The following CHRNB1 variants were observed in gnomAD, a reference collection of about 807,000 sequenced individuals.
CHRNB1 encodes acetylcholine receptor subunit beta.
Under a neutral mutation model 53.8 loss-of-function variants are expected in CHRNB1, and 47 were observed. The observed-to-expected ratio is 0.87, with a 90% CI of 0.69 to 1.11. The LOEUF (loss-of-function observed/expected upper bound fraction) is 1.11. Among genes scored for constraint, CHRNB1 ranks in the 50% most tolerant of loss-of-function variants. CHRNB1 has a pLI of 0.00. For missense variants in CHRNB1, 605 were observed against 654.9 expected (o/e 0.92, Z 0.83); for synonymous variants, 259 against 263.5 (o/e 0.98, Z 0.16).
chr17:7,456,842 C>T lies in CHRNB1; in HGVS notation c.*119C>T. The T allele has an allele frequency of 1.2e-5, 17 of 1,385,612 alleles. 1 individual carries two copies. In the South Asian group the frequency reaches 1.9e-4, roughly 16 times the overall value. 85.8% of individuals were successfully genotyped at this position (1,385,612 alleles called of 1,614,324 possible). On this transcript the variant is annotated 3_prime_UTR_variant, in exon 11 of 11. Coordinates refer to ENST00000306071, the MANE Select transcript of CHRNB1 (RefSeq NM_000747.3). ...CACGAGGAATCTGGGCCTCTTATTT[C>T]GTTTCTGGGGACTGCATTGGACTGA...
Position 7,445,229 on chromosome 17 carries a change from T to C in CHRNB1, c.59-41T>C, listed in dbSNP as rs547772932. 1.9e-6 allele frequency: 3 copies of C among 1,611,820 alleles called. No individual in the cohort carries two copies. Among genetic ancestry groups the C allele is most frequent in the Middle Eastern group, 3.3e-4 (2 of 6,052 alleles). The stretch of plus-strand genomic sequence containing the variant: ...GGGGCAGTGACGGGGCCAGCGGTCG[T>C]GGCCAGGCACCAGGGCTGCACTTAT... On this transcript the variant is annotated intron_variant, in intron 1 of 10. Coordinates refer to ENST00000306071, the MANE Select transcript of CHRNB1 (RefSeq NM_000747.3). The surrounding 1 kb of genome is among the most constrained non-coding windows in gnomAD (Gnocchi z 5.7).
intron 10 of CHRNB1, 130 bp from the exon 11 acceptor site, chr17:7,456,453 T>G: frequency 8.5e-7 from 1 of 1,171,136 alleles, no homozygotes; most frequent in Non-Finnish European, 1.3e-6. Flanking sequence ...CTCGCTCTCC[T>G]GTTGGCGCTG....
intron 6 of CHRNB1, among the ~76,000 whole-genome samples, 200 bp from the exon 7 acceptor site, chr17:7,448,379 T>G (rs548670571): frequency 6.6e-5 from 10 of 152,226 alleles, no homozygotes; most frequent in African/African-American, 2.4e-4. Context: ...AGAGCAAAAC[T>G]CTGTCTCAAA....
At position 7,453,111 on chromosome 17, in the gene CHRNB1, ATT is replaced by A. The variant is rs372971136; in HGVS notation, c.821-1183_821-1182del. Among the ~76,000 whole-genome samples the A allele has an allele frequency of 5.7e-3, 872 of 152,144 alleles. 4 individuals carry two copies. Among genetic ancestry groups the A allele is most frequent in the African/African-American group, 0.019 (804 of 41,506 alleles). ...AATTTAGTTTTGGACATTTTGTTTTATTTTGTTTCTGCTTTTGTTTTTTGAGA... is the reference window on the plus strand; with the variant it reads ...AATTTAGTTTTGGACATTTTGTTTTATTGTTTCTGCTTTTGTTTTTTGAGA... On this transcript the variant is annotated intron_variant, in intron 7 of 10. Coordinates refer to ENST00000306071, the MANE Select transcript of CHRNB1 (RefSeq NM_000747.3).
At position 7,454,524 on chromosome 17, in the gene CHRNB1, A is replaced by G. The variant is rs868298067; in HGVS notation, c.1044+4A>G. The G allele has an allele frequency of 6.2e-7, 1 of 1,612,876 alleles. No individual in the cohort carries two copies. On this transcript the variant is annotated splice_donor_region_variant and intron_variant, in intron 8 of 10. Coordinates refer to ENST00000306071, the MANE Select transcript of CHRNB1 (RefSeq NM_000747.3). ...AATGCCCCTTTGGGTCCGTCAGGTAAGAAAGATCTCCTCCTCCAACCCCAA... is the reference window on the plus strand; with the variant it reads ...AATGCCCCTTTGGGTCCGTCAGGTAGGAAAGATCTCCTCCTCCAACCCCAA...
intron 2 of CHRNB1, 42 bp from the exon 3 acceptor site, chr17:7,446,027 C>G (rs768716759): frequency 1.3e-6 from 2 of 1,595,966 alleles, no homozygotes; most frequent in Non-Finnish European, 8.6e-7. Context: ...TCATTTCTCT[C>G]CACCCTACTT....
Position 7,446,863 on chromosome 17 carries a change from C to G in CHRNB1, c.274C>G (p.Pro92Ala). 6.2e-7 allele frequency: 1 copy of G among 1,614,012 alleles called. No individual in the cohort carries two copies. Among genetic ancestry groups the G allele is most frequent in the East Asian group, 2.2e-5 (1 of 44,884 alleles). ...EWTDYRLSWD[P>A]AEHDGIDSLR... is the part of the protein sequence containing the mutation. ...GACTGACTACAGGCTGAGCTGGGAC[C>G]CTGCGGAGCACGACGGCATCGATTC... Residue 92 changes from proline (P) to alanine (A), a missense_variant, in exon 4 of 11, where the codon CCT (proline) becomes GCT (alanine). Transcript: ENST00000306071.
In CHRNB1 at chr17:7,445,682, A is replaced by G; in HGVS notation, c.198+273A>G. On this transcript the variant is annotated intron_variant, in intron 2 of 10. Coordinates refer to ENST00000306071, the MANE Select transcript of CHRNB1 (RefSeq NM_000747.3). The surrounding 1 kb of genome is among the most constrained non-coding windows in gnomAD (Gnocchi z 5.7). ...CTGGGGACGAGGCAGGGGCTGGGGG[A>G]CGGACCTCGACGTAGGGCCACATGA... 1.6e-6 allele frequency: 2 copies of G among 1,236,196 alleles called. No individual in the cohort carries two copies. Among genetic ancestry groups the G allele is most frequent in the Non-Finnish European group, 2.2e-6 (2 of 921,878 alleles). 76.6% of individuals were successfully genotyped at this position (1,236,196 alleles called of 1,614,324 possible). A position where few individuals can be genotyped will look rare whatever the true frequency, so the allele number is the denominator to read the frequency against.
At chr17:7,455,583 TC>T in intron 9 of CHRNB1, 127 bp downstream of exon 9, 1 of 1,291,018 alleles carries the variant, frequency 7.7e-7, no homozygotes, top group Non-Finnish European at 1.1e-6. Context: ...GTTGTAGTAC[TC>T]CTGCTGCTCA....
chr17:7,448,286 T>C (rs893238967), intron 6 of CHRNB1, among the ~76,000 whole-genome samples: 1 of 151,740 alleles, frequency 6.6e-6, no homozygotes, highest in African/African-American at 2.4e-5. Flanking sequence ...CTTGGGAGGC[T>C]GAGGCAGGAG....
chr17:7,452,835 C>A (rs1908937134), intron 7 of CHRNB1, among the ~76,000 whole-genome samples: 3 of 152,168 alleles, frequency 2.0e-5, no homozygotes, highest in Non-Finnish European at 4.4e-5. Context: ...CCAGCCTGGC[C>A]AACATGGTGA....
chr17:7,454,243 A>C, intron 7 of CHRNB1, 54 bp from the exon 8 acceptor site: 140 of 1,406,168 alleles, frequency 1.0e-4, no homozygotes, highest in Non-Finnish European at 1.3e-4. Context: ...ATTATGCCAT[A>C]GAGCTTTCCT....
chr17:7,445,207 G>T lies in CHRNB1; in HGVS notation c.58+22G>T, dbSNP rs1390021400. On this transcript the variant is annotated intron_variant, in intron 1 of 10. Coordinates refer to ENST00000306071, the MANE Select transcript of CHRNB1 (RefSeq NM_000747.3). This position sits in a 1 kb window ranked among gnomAD's most constrained non-coding sequence, Gnocchi z 5.7. ...CCAGGTAAGTGTAGGCCCCGAAGGG[G>T]CAGTGACGGGGCCAGCGGTCGTGGC... The T allele has an allele frequency of 1.2e-6, 2 of 1,611,340 alleles. No homozygotes were observed. The highest frequency in any genetic ancestry group is 8.5e-7 in the Non-Finnish European group (1 of 1,179,512).
At chr17:7,452,932 G>C (rs574966880) in intron 7 of CHRNB1, among the ~76,000 whole-genome samples, 8 of 152,290 alleles carry the variant, frequency 5.3e-5, no homozygotes, top group African/African-American at 1.9e-4. Context: ...GCTAAGACAG[G>C]AGAACTGCTT....
intron 7 of CHRNB1, among the ~76,000 whole-genome samples, chr17:7,451,470 G>A (rs1908886802): frequency 6.6e-6 from 1 of 151,804 alleles, no homozygotes; most frequent in Admixed American, 6.6e-5. Flanking sequence ...TAGTAGAGAT[G>A]GGATTTCTCC....
rs1173548805 is a variant in CHRNB1 at position 7,455,354 on chromosome 17, A to G, written c.1115A>G (p.Glu372Gly). Residue 372 changes from glutamate to glycine, a missense_variant, in exon 9 of 11, where the codon GAG (glutamate) becomes GGG (glycine). Glu to Gly is a moderately conservative substitution (Grantham distance 98, BLOSUM62 -2). Coordinates refer to ENST00000306071, the MANE Select transcript of CHRNB1 (RefSeq NM_000747.3). ...RPKPERDLMP[E>G]PPHCSSPGSG... ...AAACCCGAGAGAGACCTGATGCCGG[A>G]GCCCCCTCACTGTTCTTCTCCAGGA... 6.2e-7 allele frequency: 1 copy of G among 1,614,152 alleles called. No individual in the cohort carries two copies. Among genetic ancestry groups the G allele is most frequent in the Non-Finnish European group, 8.5e-7 (1 of 1,180,028 alleles).
chr17:7,448,739 C>T lies in CHRNB1; in HGVS notation c.771C>T (p.Ile257=), dbSNP rs767109873. 3.0e-5 allele frequency: 49 copies of T among 1,614,124 alleles called. No homozygotes were observed. In the South Asian group the frequency reaches 4.9e-4, roughly 16 times the overall value. ...TGGTCAACGTCATTGCCCCATGCAT[C>T]CTCATCACTCTTCTGGCCATCTTCG... is the stretch of plus-strand genomic sequence containing the variant. The part of the protein sequence containing the change: ...FYLVNVIAPC[I]LITLLAIFVF... Residue 257 remains isoleucine (I), a synonymous_variant, in exon 7 of 11, where the codon ATC becomes ATT. Transcript: ENST00000306071.
chr17:7,456,350 G>A (rs549880086), intron 10 of CHRNB1, among the ~76,000 whole-genome samples: 1 of 152,080 alleles, frequency 6.6e-6, no homozygotes, highest in Non-Finnish European at 1.5e-5. Flanking sequence ...CACCGCGCCC[G>A]GCCTCGCTTT....
chr17:7,445,656 G>A lies in CHRNB1; in HGVS notation c.198+247G>A. 3 of 1,401,344 alleles carry A rather than the reference G, an allele frequency of 2.1e-6. No homozygotes were observed. Among genetic ancestry groups the A allele is most frequent in the African/African-American group, 1.4e-5 (1 of 69,082 alleles). The allele number at this position is 1,401,344 out of a possible 1,614,324, so 86.8% of individuals were successfully genotyped here. On this transcript the variant is annotated intron_variant, in intron 2 of 10. Coordinates refer to ENST00000306071, the MANE Select transcript of CHRNB1 (RefSeq NM_000747.3). The surrounding 1 kb of genome is among the most constrained non-coding windows in gnomAD (Gnocchi z 5.7). Reference sequence around the variant, plus strand: ...ACCTGTGATCGGACCTTAAAGTGGGGCTGGGGACGAGGCAGGGGCTGGGGG... The same window carrying A: ...ACCTGTGATCGGACCTTAAAGTGGGACTGGGGACGAGGCAGGGGCTGGGGG...
Sources: allele counts gnomAD v4.1 joint callset (sites outside exome capture counted in the v4.1 genomes callset), GRCh38; gene constraint gnomAD v4.1.1; non-coding constraint Gnocchi (gnomAD v3.1); transcripts MANE v1.5; gene names NCBI Gene and HGNC (gene_info 2026-07-23, HGNC 2026-07-21).